Variants in SH2D4A observed in about 807,000 individuals in gnomAD.
SH2D4A encodes SH2 domain containing 4A.
A neutral mutation model predicts 64.7 loss-of-function variants in SH2D4A; 70 were observed. That is an observed-to-expected ratio of 1.08 (90% CI 0.89 to 1.32). The LOEUF is 1.32. SH2D4A is among the 40% of genes most tolerant of loss of function. SH2D4A has a pLI of 0.00. For missense variants in SH2D4A, 706 were observed against 540.1 expected, an observed-to-expected ratio of 1.31 and a Z score of -3.04; for synonymous variants, 268 against 200.7, an observed-to-expected ratio of 1.34 and a Z score of -2.83.
intron 6 of SH2D4A, 163 bp downstream of exon 6, chr8:19,361,477 C>A: frequency 1.4e-6 from 1 of 695,478 alleles, no homozygotes; most frequent in Non-Finnish European, 2.1e-6. Flanking sequence ...CAAATGCTTA[C>A]AGGCTACTTT....
chr8:19,371,004 A>G (rs1170801631), intron 7 of SH2D4A, among the ~76,000 whole-genome samples: 3 of 152,018 alleles, frequency 2.0e-5, no homozygotes, highest in African/African-American at 7.2e-5. Context: ...TGTACACTTT[A>G]CCTCCATTCT....
chr8:19,379,015 G>C (rs1414635660), intron 8 of SH2D4A, among the ~76,000 whole-genome samples: 1 of 149,616 alleles, frequency 6.7e-6, no homozygotes, highest in Non-Finnish European at 1.5e-5. Flanking sequence ...CTAGGAGACA[G>C]AGGTTGCAGT....
chr8:19,329,139 T>C (rs1052677388), intron 2 of SH2D4A, among the ~76,000 whole-genome samples: 1 of 152,198 alleles, frequency 6.6e-6, no homozygotes, highest in Non-Finnish European at 1.5e-5. Flanking sequence ...TGTTGTTCTT[T>C]GCATCCAGCG....
intron 7 of SH2D4A, among the ~76,000 whole-genome samples, chr8:19,366,275 C>T (rs1007779022): frequency 3.3e-5 from 5 of 152,132 alleles, no homozygotes; most frequent in Non-Finnish European, 5.9e-5. Context: ...ATATGAATCA[C>T]CTCAAACACT....
At chr8:19,315,080 AAAAC>A (rs2052063770) in intron 1 of SH2D4A, among the ~76,000 whole-genome samples, 1 of 146,248 alleles carries the variant, frequency 6.8e-6, no homozygotes, top group Non-Finnish European at 1.5e-5. Context: ...TTACGTAAAA[AAAAC>A]CGCAGTTACT....
chr8:19,317,913 T>A (rs576231295), intron 1 of SH2D4A, among the ~76,000 whole-genome samples: 1 of 152,252 alleles, frequency 6.6e-6, no homozygotes, highest in Non-Finnish European at 1.5e-5. Context: ...TTTCTTTTTT[T>A]ATTTTTGAGA....
chr8:19,331,422 G>T (rs1308662748), intron 2 of SH2D4A, among the ~76,000 whole-genome samples: 1 of 152,164 alleles, frequency 6.6e-6, no homozygotes, highest in Admixed American at 6.5e-5. Flanking sequence ...GCCCACAGTT[G>T]CCCTGGGTAG....
chr8:19,354,095 A>T (rs1003937689), intron 4 of SH2D4A, among the ~76,000 whole-genome samples: 1 of 150,334 alleles, frequency 6.7e-6, no homozygotes, highest in African/African-American at 2.5e-5. Context: ...GGTCCAAGTG[A>T]TTCTCCTGTC....
At chr8:19,356,760 C>G (rs1286495798) in intron 4 of SH2D4A, among the ~76,000 whole-genome samples, 1 of 152,188 alleles carries the variant, frequency 6.6e-6, no homozygotes, top group Non-Finnish European at 1.5e-5. Flanking sequence ...TCCCACGCAC[C>G]AAACTTGTGC....
intron 2 of SH2D4A, among the ~76,000 whole-genome samples, chr8:19,325,904 A>C (rs139171138): frequency 7.2e-5 from 11 of 152,388 alleles, no homozygotes; most frequent in Non-Finnish European, 8.8e-5. Flanking sequence ...CATTAAAATG[A>C]ATACGGGGCT....
At chr8:19,359,529 A>C (rs939793469) in intron 5 of SH2D4A, among the ~76,000 whole-genome samples, 11 of 152,188 alleles carry the variant, frequency 7.2e-5, no homozygotes, top group Admixed American at 2.0e-4. Context: ...TTTTCTGTTT[A>C]AGCTTAGAAA....
At chr8:19,393,951 T>A (rs1295244996) in intron 9 of SH2D4A, among the ~76,000 whole-genome samples, 1 of 152,168 alleles carries the variant, frequency 6.6e-6, no homozygotes, top group African/African-American at 2.4e-5. Context: ...TATTATTACA[T>A]TGTTATATAT....
At chr8:19,329,272 G>T (rs2052332997) in intron 2 of SH2D4A, among the ~76,000 whole-genome samples, 1 of 152,094 alleles carries the variant, frequency 6.6e-6, no homozygotes, top group African/African-American at 2.4e-5. Context: ...AATCCTCACT[G>T]GACTTAGTAG....
chr8:19,376,409 G>A (rs939560062), intron 8 of SH2D4A, among the ~76,000 whole-genome samples: 1 of 152,072 alleles, frequency 6.6e-6, no homozygotes, highest in Non-Finnish European at 1.5e-5. Flanking sequence ...ATCACTTGAG[G>A]TCAGGAGTTT....
At chr8:19,354,945 A>G (rs952344093) in intron 4 of SH2D4A, among the ~76,000 whole-genome samples, 11 of 152,230 alleles carry the variant, frequency 7.2e-5, no homozygotes, top group African/African-American at 2.2e-4. Context: ...CCAGAACTCC[A>G]GTTTCATAAG....
chr8:19,322,514 C>G (rs1211726573), intron 2 of SH2D4A, among the ~76,000 whole-genome samples: 1 of 151,916 alleles, frequency 6.6e-6, no homozygotes, highest in African/African-American at 2.4e-5. Context: ...GTCATCTGGT[C>G]ATTTTTCACT....
At chr8:19,355,407 T>G (rs968504375) in intron 4 of SH2D4A, among the ~76,000 whole-genome samples, 3 of 152,168 alleles carry the variant, frequency 2.0e-5, no homozygotes, top group African/African-American at 7.2e-5. Context: ...TGGTTACTGT[T>G]CTAAGTTTAG....
intron 4 of SH2D4A, among the ~76,000 whole-genome samples, chr8:19,351,648 C>G (rs2052707498): frequency 6.6e-6 from 1 of 151,950 alleles, no homozygotes; most frequent in African/African-American, 2.4e-5. Flanking sequence ...AAAATAAACT[C>G]TTGATTTTAT....
chr8:19,358,306 A>C (rs1197827965), intron 5 of SH2D4A, among the ~76,000 whole-genome samples: 2 of 152,150 alleles, frequency 1.3e-5, no homozygotes, highest in African/African-American at 4.8e-5. Context: ...AAATCAGACA[A>C]AATTCCTGCC....
Sources: gnomAD v4.1 joint callset for allele counts (sites outside exome capture counted in the v4.1 genomes callset) on GRCh38, gnomAD v4.1.1 for gene constraint, MANE v1.5 for transcripts, NCBI Gene and HGNC (gene_info 2026-07-23, HGNC 2026-07-21) for gene names.